The following ESRRG variants were observed in gnomAD, a reference collection of about 807,000 sequenced individuals.
ESRRG encodes the protein estrogen-related receptor gamma.
Under a neutral mutation model 44.0 loss-of-function variants are expected in ESRRG, and 13 were observed. The observed-to-expected ratio is 0.30, with a 90% CI of 0.19 to 0.47. ESRRG has a LOEUF of 0.47. Ranked by LOEUF, ESRRG falls within the 20% of genes least tolerant of loss-of-function variation. The probability of loss-of-function intolerance (pLI) is 1.00; values close to 1 mark genes in which losing one functional copy is unlikely to be tolerated. For synonymous variants in ESRRG, 215 were observed against 214.6 expected (o/e 1.00, Z -0.02); for missense variants, 395 against 580.6 (o/e 0.68, Z 3.29).
rs114590070 is a variant in ESRRG, at chr1:216,997,451, C to T, written c.-105-57778G>A. Among the ~76,000 whole-genome samples, 738 of 152,314 alleles carry T rather than the reference C, an allele frequency of 4.8e-3. 1 individual carries two copies. The highest frequency in any genetic ancestry group is 0.01 in the Middle Eastern group (3 of 294). ...AGATGTACAGAAAAAGAATGAACAG[C>T]TTCCCTTTGCCCATGAGGGAGGCCT... On this transcript the variant is annotated intron_variant, in intron 1 of 7. Transcript: ENST00000359162.
chr1:217,094,520 A>C (rs1316535877), upstream of ESRRG, among the ~76,000 whole-genome samples: 3 of 152,168 alleles, frequency 2.0e-5, no homozygotes, highest in Non-Finnish European at 1.5e-5. Context: ...TGACTTTCTC[A>C]TCAGGTTTTT....
chr1:217,035,319 C>CAAAAAAAAAA lies in ESRRG; in HGVS notation c.-106+54178_-106+54187dup, dbSNP rs397709457. Among the ~76,000 whole-genome samples, 2 of 75,176 alleles carry CAAAAAAAAAA rather than the reference C, an allele frequency of 2.7e-5. 1 individual carries two copies. 49.3% of individuals were successfully genotyped at this position (75,176 alleles called of 152,430 possible). On this transcript the variant is annotated intron_variant, in intron 1 of 7. Coordinates refer to the ESRRG transcript ENST00000359162. ...TGGGCAGCCTAGCGAGACTCTGTCT[C>CAAAAAAAAAA]AAAAAAAAAAAAAAAAAAAAAAGTG...
At chr1:216,704,854 A>G (rs1167660312) in intron 1 of ESRRG, among the ~76,000 whole-genome samples, 1 of 152,182 alleles carries the variant, frequency 6.6e-6, no homozygotes, top group Non-Finnish European at 1.5e-5. Context: ...GAAGAAAAAT[A>G]GGAAAATTTG....
At chr1:216,800,723 C>G (rs2094588964) in intron 2 of ESRRG, among the ~76,000 whole-genome samples, 1 of 152,150 alleles carries the variant, frequency 6.6e-6, no homozygotes, top group Non-Finnish European at 1.5e-5. Context: ...CTCCATTTCA[C>G]AGAGTTTACT....
At chr1:217,112,172 A>G (rs2092668758) in intron 1 of ESRRG, among the ~76,000 whole-genome samples, 3 of 152,130 alleles carry the variant, frequency 2.0e-5, no homozygotes, top group South Asian at 4.1e-4. Context: ...CACTTCCCAA[A>G]TTTCTGATCC....
At chr1:217,127,389 C>T (rs1473105755) in intron 1 of ESRRG, among the ~76,000 whole-genome samples, 1 of 152,118 alleles carries the variant, frequency 6.6e-6, no homozygotes, top group Non-Finnish European at 1.5e-5. Flanking sequence ...TTTGGTGACC[C>T]CATCAAAAGA....
intron 2 of ESRRG, among the ~76,000 whole-genome samples, chr1:216,775,551 CTTTTTTTTTTTTTTTTTTT>C (rs71163765): frequency 0.096 from 7,133 of 74,562 alleles, 489 homozygotes; most frequent in African/African-American, 0.17. Context: ...AATGTCACAT[CTTTTTTTTTTTTTTTTTTT>C]TTTTTTTTTT....
intron 2 of ESRRG, among the ~76,000 whole-genome samples, chr1:216,776,386 C>T (rs572580204): frequency 6.6e-6 from 1 of 152,152 alleles, no homozygotes; most frequent in East Asian, 1.9e-4. Flanking sequence ...CTTAGAGGCA[C>T]CTGAGTTGCA....
At chr1:216,560,191 C>T (rs1335528475) in intron 5 of ESRRG, among the ~76,000 whole-genome samples, 8 of 152,028 alleles carry the variant, frequency 5.3e-5, no homozygotes, top group Non-Finnish European at 7.4e-5. Flanking sequence ...ACTCCTGCCT[C>T]CAGTTGATAG....
chr1:216,610,365 A>G (rs1038043156), intron 3 of ESRRG, among the ~76,000 whole-genome samples: 1 of 152,168 alleles, frequency 6.6e-6, no homozygotes, highest in Non-Finnish European at 1.5e-5. Flanking sequence ...TAATTTCCCC[A>G]TATCCTTAAT....
At chr1:216,565,069 A>C (rs911657608) in intron 4 of ESRRG, among the ~76,000 whole-genome samples, 1 of 152,190 alleles carries the variant, frequency 6.6e-6, no homozygotes, top group African/African-American at 2.4e-5. Flanking sequence ...TCTGTGTGTC[A>C]AATTCTTTAA....
At chr1:217,026,912 CAGAGAGAG>C (rs71163786) in intron 1 of ESRRG, among the ~76,000 whole-genome samples, 2,028 of 93,436 alleles carry the variant, frequency 0.022, 42 homozygotes, top group African/African-American at 0.052. Context: ...CACACACACA[CAGAGAGAG>C]AGAGAGAGAG....
chr1:217,034,191 T>C (rs1401182660), intron 1 of ESRRG, among the ~76,000 whole-genome samples: 1 of 152,212 alleles, frequency 6.6e-6, no homozygotes, highest in Non-Finnish European at 1.5e-5. Context: ...AGGCATTTAC[T>C]GAAAATAATA....
chr1:216,810,755 T>A (rs2094945092), intron 2 of ESRRG, among the ~76,000 whole-genome samples: 1 of 148,176 alleles, frequency 6.7e-6, no homozygotes, highest in South Asian at 2.1e-4. Context: ...AACTCTATGA[T>A]ATATATAACT....
At chr1:216,866,467 C>T (rs755692207) in intron 2 of ESRRG, among the ~76,000 whole-genome samples, 4 of 152,150 alleles carry the variant, frequency 2.6e-5, no homozygotes, top group Admixed American at 6.5e-5. Context: ...GATCTACTTT[C>T]TTAAAACAAC....
At chr1:216,879,484 C>CAAAAA (rs755104959) in intron 2 of ESRRG, among the ~76,000 whole-genome samples, 39 of 89,262 alleles carry the variant, frequency 4.4e-4, no homozygotes, top group East Asian at 2.5e-3. Flanking sequence ...AAAAGGCCAC[C>CAAAAA]AAAAAAAAAA....
intron 2 of ESRRG, among the ~76,000 whole-genome samples, chr1:216,860,360 T>C (rs1377307119): frequency 6.6e-6 from 1 of 152,048 alleles, no homozygotes; most frequent in Non-Finnish European, 1.5e-5. Context: ...TGTCCCCAAA[T>C]TGGAGGCAAG....
At chr1:216,557,797 T>G (rs1489070394) in intron 5 of ESRRG, among the ~76,000 whole-genome samples, 1 of 152,204 alleles carries the variant, frequency 6.6e-6, no homozygotes, top group Non-Finnish European at 1.5e-5. Context: ...TCAGGGTAGA[T>G]GTCATGTCAT....
At chr1:216,585,971 C>T (rs2063706279) in intron 3 of ESRRG, among the ~76,000 whole-genome samples, 3 of 152,076 alleles carry the variant, frequency 2.0e-5, no homozygotes, top group South Asian at 2.1e-4. Context: ...ACCCGGGAGG[C>T]GGAGCTTGCA....
Sources: allele counts gnomAD v4.1 joint callset (sites outside exome capture counted in the v4.1 genomes callset), GRCh38; gene constraint gnomAD v4.1.1; transcripts MANE v1.5; gene names NCBI Gene and HGNC (gene_info 2026-07-23, HGNC 2026-07-21).